The following PCSK5 variants were observed in gnomAD, a reference collection of about 807,000 sequenced individuals.
PCSK5 encodes the protein prohormone convertase 5.
Under a neutral mutation model 233.2 loss-of-function variants are expected in PCSK5, and 129 were observed. The ratio of observed to expected loss-of-function variants is 0.55; its 90% CI spans 0.48 to 0.64. The LOEUF is 0.64. Ranked by LOEUF, PCSK5 falls within the 30% of genes least tolerant of loss-of-function variation. The pLI is 0.00. For synonymous variants in PCSK5, 825 were observed against 879.2 expected, an observed-to-expected ratio of 0.94 and a Z score of 1.09; for missense variants, 2,076 against 2,430.1, an observed-to-expected ratio of 0.85 and a Z score of 3.06.
intron 33 of PCSK5, among the ~76,000 whole-genome samples, chr9:76,330,971 A>C (rs1829516681): frequency 6.6e-6 from 1 of 152,152 alleles, no homozygotes; most frequent in South Asian, 2.1e-4. Flanking sequence ...CATATAGAGA[A>C]GACAGCTTGC....
chr9:76,329,116 G>A (rs1034823027), intron 33 of PCSK5, among the ~76,000 whole-genome samples: 1 of 151,512 alleles, frequency 6.6e-6, no homozygotes, highest in East Asian at 1.9e-4. Flanking sequence ...ACTGCGCCCG[G>A]CCACTTTTTT....
At chr9:76,308,406 A>G (rs1828768704) in intron 28 of PCSK5, among the ~76,000 whole-genome samples, 1 of 152,216 alleles carries the variant, frequency 6.6e-6, no homozygotes. Flanking sequence ...GTGGTACCAC[A>G]CATTCGTGTG....
intron 3 of PCSK5, among the ~76,000 whole-genome samples, chr9:75,999,073 T>C (rs1354941565): frequency 6.6e-6 from 1 of 152,190 alleles, no homozygotes; most frequent in South Asian, 2.1e-4. Context: ...TTTATTTTTT[T>C]ATTATACTTT....
At chr9:76,070,865 T>C (rs888025803) in intron 6 of PCSK5, among the ~76,000 whole-genome samples, 4 of 152,144 alleles carry the variant, frequency 2.6e-5, no homozygotes, top group African/African-American at 9.7e-5. Flanking sequence ...AGGATTAAAT[T>C]TGGCCTGTAA....
intron 20 of PCSK5, among the ~76,000 whole-genome samples, chr9:76,211,768 A>AG (rs1210274658): frequency 6.6e-6 from 1 of 152,206 alleles, no homozygotes; most frequent in African/African-American, 2.4e-5. Context: ...TGAGTGCTTA[A>AG]GCCTGGGAGC....
At chr9:75,918,046 A>G (rs967570801) in intron 1 of PCSK5, among the ~76,000 whole-genome samples, 8 of 152,210 alleles carry the variant, frequency 5.3e-5, no homozygotes, top group African/African-American at 9.6e-5. Flanking sequence ...ATAGTTTCTC[A>G]TAGGTAACTA....
At chr9:75,900,645 C>CTCCA (rs1825986642) in intron 1 of PCSK5, among the ~76,000 whole-genome samples, 1 of 146,042 alleles carries the variant, frequency 6.8e-6, no homozygotes, top group Non-Finnish European at 1.5e-5. Context: ...TGCCACTGCA[C>CTCCA]TCCAGCCTGG....
At position 76,357,518 on chromosome 9, in the gene PCSK5, C is replaced by CA. The variant is rs201810823; in HGVS notation, c.5255-984dup. Reference sequence around the variant, plus strand: ...TGGGTGACAGAGCGAGACTCCATCTCAAAAAAAAAAACTCTTAATAATGAT... The same window carrying CA: ...TGGGTGACAGAGCGAGACTCCATCTCAAAAAAAAAAAACTCTTAATAATGAT... On this transcript the variant is annotated intron_variant, in intron 37 of 37. Coordinates refer to ENST00000674117, the MANE Select transcript of PCSK5 (RefSeq NM_001372043.1). 7.4e-3 allele frequency among the ~76,000 whole-genome samples: 1,040 copies of CA among 140,828 alleles called. 13 individuals carry two copies. The highest frequency in any genetic ancestry group is 0.037 in the East Asian group (183 of 4,916). 92.4% of individuals were successfully genotyped at this position (140,828 alleles called of 152,430 possible).
At chr9:76,032,691 G>A (rs1027179845) in intron 5 of PCSK5, among the ~76,000 whole-genome samples, 1 of 152,098 alleles carries the variant, frequency 6.6e-6, no homozygotes, top group African/African-American at 2.4e-5. Context: ...TGACTGCATT[G>A]TTCTAGGCTT....
chr9:76,015,752 C>T (rs1350809017), intron 3 of PCSK5, among the ~76,000 whole-genome samples: 1 of 152,200 alleles, frequency 6.6e-6, no homozygotes, highest in Non-Finnish European at 1.5e-5. Flanking sequence ...GTGGCTTCAA[C>T]TTGATGCACG....
At chr9:76,255,255 C>T (rs1826946648) in intron 24 of PCSK5, among the ~76,000 whole-genome samples, 1 of 151,910 alleles carries the variant, frequency 6.6e-6, no homozygotes, top group East Asian at 1.9e-4. Flanking sequence ...CCACTGCACT[C>T]CAGCCTGGGC....
intron 23 of PCSK5, among the ~76,000 whole-genome samples, chr9:76,240,145 G>C (rs1022192328): frequency 3.9e-5 from 6 of 152,150 alleles, no homozygotes; most frequent in Non-Finnish European, 5.9e-5. Flanking sequence ...TGCCCGGTCT[G>C]GTGCTGAAGA....
chr9:76,246,341 CAAAAAAAAAAAA>C (rs59806704), intron 24 of PCSK5, among the ~76,000 whole-genome samples: 1,111 of 52,696 alleles, frequency 0.021, 16 homozygotes, highest in African/African-American at 0.056. Flanking sequence ...GATTCCATCT[CAAAAAAAAAAAA>C]AAAAAAAAAA....
intron 9 of PCSK5, among the ~76,000 whole-genome samples, chr9:76,119,387 T>A (rs1311797350): frequency 1.3e-5 from 2 of 152,124 alleles, no homozygotes; most frequent in African/African-American, 4.8e-5. Context: ...ATGTGTCCTT[T>A]ATGAAATCTT....
intron 24 of PCSK5, among the ~76,000 whole-genome samples, chr9:76,290,720 T>C (rs1828252105): frequency 6.6e-6 from 1 of 152,250 alleles, no homozygotes; most frequent in African/African-American, 2.4e-5. Context: ...CGGCAAATTC[T>C]GTGAAGTGGC....
chr9:76,181,668 C>T (rs1018499092), intron 16 of PCSK5, 77 bp downstream of exon 16: 18 of 938,660 alleles, frequency 1.9e-5, no homozygotes, highest in Non-Finnish European at 2.9e-5. Flanking sequence ...GAGGGATAGC[C>T]TCTTTGTGAA....
intron 5 of PCSK5, among the ~76,000 whole-genome samples, chr9:76,040,149 A>G (rs1324661702): frequency 3.3e-5 from 5 of 152,164 alleles, no homozygotes; most frequent in Non-Finnish European, 7.3e-5. Flanking sequence ...CTTCTGTCTT[A>G]AGAGTCTTGG....
chr9:75,942,533 C>T (rs964506222), intron 2 of PCSK5, among the ~76,000 whole-genome samples: 1 of 152,170 alleles, frequency 6.6e-6, no homozygotes, highest in Non-Finnish European at 1.5e-5. Context: ...ATATGAGTAT[C>T]AGGCAAAACA....
intron 3 of PCSK5, among the ~76,000 whole-genome samples, chr9:75,997,050 T>C (rs1170911655): frequency 6.6e-6 from 1 of 152,176 alleles, no homozygotes; most frequent in Non-Finnish European, 1.5e-5. Flanking sequence ...TTTTCTGGCT[T>C]ACTGTAACCT....
Sources: gnomAD v4.1 joint callset for allele counts (sites outside exome capture counted in the v4.1 genomes callset) on GRCh38, gnomAD v4.1.1 for gene constraint, MANE v1.5 for transcripts, NCBI Gene and HGNC (gene_info 2026-07-23, HGNC 2026-07-21) for gene names.